The following SETDB1 variants were observed in gnomAD, a reference collection of about 807,000 sequenced individuals.
SETDB1 encodes histone-lysine N-methyltransferase SETDB1.
Under a neutral mutation model 137.4 loss-of-function variants are expected in SETDB1, and 31 were observed. That is an observed-to-expected ratio of 0.23 (90% CI 0.17 to 0.30). The LOEUF (loss-of-function observed/expected upper bound fraction) is 0.30. SETDB1 is among the 10% of genes least tolerant of loss of function. The pLI is 1.00. For missense variants in SETDB1, 1,113 were observed against 1,631.5 expected (o/e 0.68, Z 5.47); for synonymous variants, 548 against 579.9 (o/e 0.95, Z 0.79).
chr1:150,957,626 CTG>C (rs1340830828), intron 14 of SETDB1, among the ~76,000 whole-genome samples: 3 of 152,302 alleles, frequency 2.0e-5, no homozygotes, highest in African/African-American at 7.2e-5. Flanking sequence ...CTTAGTATAA[CTG>C]TGTTATCTTC....
Position 150,960,576 on chromosome 1 carries a change from A to C in SETDB1, c.2517A>C (p.Thr839=). The C allele has an allele frequency of 1.2e-6, 2 of 1,613,590 alleles. No individual in the cohort carries two copies. The highest frequency in any genetic ancestry group is 2.2e-5 in the South Asian group (2 of 91,000). Residue 839 remains threonine (T), a synonymous_variant, in exon 16 of 22, where the codon ACA becomes ACC. Coordinates refer to ENST00000692827, the MANE Select transcript of SETDB1 (RefSeq NM_001366418.1). Reference sequence around the variant, plus strand: ...CTTCATTCTCAGGCAAAATCCTGACAGATGACTTTGCAGACAAGGAGGGTC... The same window carrying C: ...CTTCATTCTCAGGCAAAATCCTGACCGATGACTTTGCAGACAAGGAGGGTC... The part of the protein sequence containing the change: ...FVCIYAGKIL[T]DDFADKEGLE...
intron 5 of SETDB1, among the ~76,000 whole-genome samples, 175 bp downstream of exon 5, chr1:150,941,603 T>C (rs888545724): frequency 6.6e-6 from 1 of 152,224 alleles, no homozygotes; most frequent in Non-Finnish European, 1.5e-5. Context: ...TTTATCTCAA[T>C]ACCTCTTTAG....
In SETDB1 at chr1:150,942,599, A is replaced by T; in HGVS notation, c.584A>T (p.Asp195Val). Residue 195 changes from aspartate to valine, a missense_variant, in exon 6 of 22, where the codon GAT becomes GTT. Physicochemically the swap from Asp to Val is radical, Grantham distance 152. Around this residue, in one of 11 missense-constraint regions of SETDB1, gnomAD observed 154 missense variants for 303.1 expected, o/e 0.51. Coordinates refer to ENST00000692827, the MANE Select transcript of SETDB1 (RefSeq NM_001366418.1). The stretch of plus-strand genomic sequence containing the variant: ...CAGATGTCTGGAGAACTAAGCAAAG[A>T]TGGTGACCTGATAGTCAGCATGCGA... ...LSQMSGELSK[D>V]GDLIVSMRIL... The T allele has an allele frequency of 6.2e-7, 1 of 1,613,908 alleles. No homozygotes were observed. The highest frequency in any genetic ancestry group is 8.5e-7 in the Non-Finnish European group (1 of 1,179,876).
chr1:150,952,451 A>G (rs1571652058), intron 14 of SETDB1, among the ~76,000 whole-genome samples: 1 of 152,122 alleles, frequency 6.6e-6, no homozygotes, highest in South Asian at 2.1e-4. Context: ...GAGTGGGGGG[A>G]AAGAGTAGAA....
intron 13 of SETDB1, 41 bp from the exon 14 acceptor site, chr1:150,951,324 G>C (rs757869649): frequency 4.4e-5 from 62 of 1,419,646 alleles, no homozygotes; most frequent in Non-Finnish European, 5.7e-5. Context: ...TTTGTTCTCT[G>C]ATCCCCCCGC....
chr1:150,947,386 T>C (rs1218021532), intron 10 of SETDB1, among the ~76,000 whole-genome samples: 2 of 152,074 alleles, frequency 1.3e-5, no homozygotes, highest in Non-Finnish European at 2.9e-5. Context: ...CTTGAACTCC[T>C]GGGCTCAAGC....
rs765231930 is a variant in SETDB1 at position 150,945,093 on chromosome 1, C to T, written c.1125C>T (p.Val375=). 2.5e-6 allele frequency: 4 copies of T among 1,613,924 alleles called. No individual in the cohort carries two copies. The Admixed American group carries it at 6.7e-5, about 27-fold the overall frequency. Reference sequence around the variant, plus strand: ...TTGAGGAGGTGGATGGCAGCCTAGTCAGGATCCTCTTCCTGGTACTGTTCT... The same window carrying T: ...TTGAGGAGGTGGATGGCAGCCTAGTTAGGATCCTCTTCCTGGTACTGTTCT... The part of the protein sequence containing the change: ...SRVEEVDGSL[V]RILFLDDKRC... The change falls in exon 9 of 22, where the codon GTC becomes GTT. Residue 375 remains valine, a synonymous_variant. Transcript: ENST00000692827.
chr1:150,932,070 G>A (rs1252888168), intron 3 of SETDB1, among the ~76,000 whole-genome samples: 1 of 151,798 alleles, frequency 6.6e-6, no homozygotes. Context: ...TATGTTGCTG[G>A]ATTGGATTTG....
At chr1:150,959,014 A>G (rs1012368730) in intron 14 of SETDB1, among the ~76,000 whole-genome samples, 164 bp from the exon 15 acceptor site, 2 of 152,214 alleles carry the variant, frequency 1.3e-5, no homozygotes, top group African/African-American at 4.8e-5. Context: ...ATCAAAGAGC[A>G]TAGATGGTTC....
At chr1:150,947,981 C>T (rs1670378272) in intron 10 of SETDB1, among the ~76,000 whole-genome samples, 1 of 151,702 alleles carries the variant, frequency 6.6e-6, no homozygotes, top group Non-Finnish European at 1.5e-5. Context: ...TCTGTAGTCT[C>T]AGCACTTTGG....
chr1:150,944,452 A>G (rs1269522991), intron 8 of SETDB1, among the ~76,000 whole-genome samples: 1 of 152,246 alleles, frequency 6.6e-6, no homozygotes, highest in Admixed American at 6.5e-5. Flanking sequence ...TATGGAAACA[A>G]TCATTTTTAA....
intron 9 of SETDB1, chr1:150,945,461 C>A (rs1310649128): frequency 5.2e-6 from 2 of 387,758 alleles, no homozygotes; most frequent in Non-Finnish European, 8.9e-6. Context: ...ATCAAGGAGT[C>A]CTGATTATCT....
intron 14 of SETDB1, among the ~76,000 whole-genome samples, chr1:150,957,723 TG>T: frequency 6.6e-6 from 1 of 152,150 alleles, no homozygotes; most frequent in South Asian, 2.1e-4. Context: ...TTTTCAGAGA[TG>T]GGGTGGACTT....
At chr1:150,948,079 A>T (rs906489840) in intron 10 of SETDB1, among the ~76,000 whole-genome samples, 1 of 151,758 alleles carries the variant, frequency 6.6e-6, no homozygotes, top group African/African-American at 2.4e-5. Context: ...AAAAAAAAAA[A>T]ATGCTGAGTG....
chr1:150,942,127 G>A (rs1168986600), intron 5 of SETDB1, among the ~76,000 whole-genome samples: 58 of 125,574 alleles, frequency 4.6e-4, no homozygotes, highest in African/African-American at 1.7e-3. Flanking sequence ...GCAACAGAAC[G>A]AGACTCCATC....
At chr1:150,928,521 G>T (rs1378018591) in intron 2 of SETDB1, among the ~76,000 whole-genome samples, 1 of 151,974 alleles carries the variant, frequency 6.6e-6, no homozygotes, top group Middle Eastern at 3.2e-3. Flanking sequence ...GGATTGTAAA[G>T]AATTTCTGTC....
chr1:150,961,314 G>A (rs776957992), intron 16 of SETDB1, 123 bp downstream of exon 16: 35 of 1,016,046 alleles, frequency 3.4e-5, no homozygotes, highest in Non-Finnish European at 4.3e-5. Flanking sequence ...TGGCCACCTC[G>A]TTATCTCTCC....
chr1:150,962,028 G>A (rs1465622457), intron 16 of SETDB1, 102 bp from the exon 17 acceptor site: 6 of 1,376,246 alleles, frequency 4.4e-6, no homozygotes, highest in Non-Finnish European at 6.2e-6. Context: ...ATGTGTACCT[G>A]TCACTGGCTG....
rs763499033 is a variant in SETDB1, at chr1:150,945,119, TCTC to T, written c.1140+12_1140+14del. ...AGGATCCTCTTCCTGGTACTGTTCT[TCTC>T]TACAATTTTGGAGGCAGAGGTTGGT... On this transcript the variant is annotated intron_variant, in intron 9 of 21. Transcript: ENST00000692827. 2.5e-6 allele frequency: 4 copies of T among 1,613,956 alleles called. No individual in the cohort carries two copies. The highest frequency in any genetic ancestry group is 3.4e-6 in the Non-Finnish European group (4 of 1,179,980).
Sources: allele counts gnomAD v4.1 joint callset (sites outside exome capture counted in the v4.1 genomes callset), GRCh38; gene constraint gnomAD v4.1.1; regional missense constraint gnomAD v4.1.1; transcripts MANE v1.5; gene names NCBI Gene and HGNC (gene_info 2026-07-23, HGNC 2026-07-21).